SOX5: variants seen among roughly 807,000 people sequenced by gnomAD.
SOX5 encodes the protein SRY-box transcription factor 5.
SOX5 carries 9 observed loss-of-function variants against 92.0 expected under a neutral mutation model. That is an observed-to-expected ratio of 0.10 (90% CI 0.06 to 0.17). SOX5 has a LOEUF of 0.17. SOX5 is among the 10% of genes least tolerant of loss of function. The pLI is 1.00. For missense variants in SOX5, 642 were observed against 944.5 expected, an observed-to-expected ratio of 0.68 and a Z score of 4.20; for synonymous variants, 344 against 336.3, an observed-to-expected ratio of 1.02 and a Z score of -0.25.
At chr12:23,943,177 T>C (rs1329336606) in intron 1 of SOX5, among the ~76,000 whole-genome samples, 1 of 152,002 alleles carries the variant, frequency 6.6e-6, no homozygotes, top group Non-Finnish European at 1.5e-5. Flanking sequence ...AATGCTTTCA[T>C]TTCAGCAAAG....
chr12:24,010,195 A>C (rs1008593057), intron 4 of SOX5, among the ~76,000 whole-genome samples: 2 of 152,204 alleles, frequency 1.3e-5, no homozygotes, highest in Non-Finnish European at 2.9e-5. Context: ...CAACGTTTTC[A>C]GAGTCAAGAT....
chr12:23,643,189 TG>T (rs2080348072), intron 7 of SOX5, among the ~76,000 whole-genome samples: 1 of 151,806 alleles, frequency 6.6e-6, no homozygotes, highest in South Asian at 2.1e-4. Context: ...ATGGTATAAC[TG>T]GTAAAACCTA....
At chr12:23,725,478 C>A (rs1028765776) in intron 6 of SOX5, among the ~76,000 whole-genome samples, 2 of 152,134 alleles carry the variant, frequency 1.3e-5, no homozygotes, top group Non-Finnish European at 2.9e-5. Context: ...GATCCACCCC[C>A]ATGATTCAAT....
chr12:24,428,719 T>C (rs1306129278), intron 1 of SOX5, among the ~76,000 whole-genome samples: 2 of 51,056 alleles, frequency 3.9e-5, no homozygotes, highest in Admixed American at 2.9e-4. Flanking sequence ...AGTGAGACTC[T>C]GTTTCTCAAA....
chr12:23,733,228 A>AT (rs1465712610), intron 6 of SOX5, among the ~76,000 whole-genome samples: 1 of 152,216 alleles, frequency 6.6e-6, no homozygotes, highest in African/African-American at 2.4e-5. Context: ...AAATTGCAGT[A>AT]AAATCAAGTG....
chr12:23,563,075 ACT>A (rs946172331), intron 11 of SOX5, among the ~76,000 whole-genome samples, 181 bp downstream of exon 11: 1 of 152,046 alleles, frequency 6.6e-6, no homozygotes, highest in African/African-American at 2.4e-5. Context: ...GAGAATTATA[ACT>A]CTTTCTATTT....
chr12:24,352,536 G>A (rs1030150726), intron 2 of SOX5, among the ~76,000 whole-genome samples: 5 of 152,106 alleles, frequency 3.3e-5, no homozygotes, highest in African/African-American at 9.7e-5. Context: ...TGTAAAAATC[G>A]AAACTCTACT....
chr12:24,085,239 A>C (rs1244466145), intron 4 of SOX5, among the ~76,000 whole-genome samples: 6 of 152,260 alleles, frequency 3.9e-5, no homozygotes, highest in African/African-American at 1.4e-4. Context: ...CCCTGAATTC[A>C]TCCCCTCAAT....
intron 3 of SOX5, among the ~76,000 whole-genome samples, chr12:24,221,527 A>G (rs1241129932): frequency 6.6e-6 from 1 of 152,174 alleles, no homozygotes; most frequent in Non-Finnish European, 1.5e-5. Flanking sequence ...CAGCTTTTAA[A>G]TCTCCATTTC....
chr12:23,756,427 G>A (rs1256003075), intron 3 of SOX5, among the ~76,000 whole-genome samples: 1 of 151,720 alleles, frequency 6.6e-6, no homozygotes, highest in African/African-American at 2.4e-5. Context: ...CTTTAGTCTG[G>A]TATTTGTTTC....
chr12:23,803,539 G>T (rs1450440857), intron 3 of SOX5, among the ~76,000 whole-genome samples: 1 of 152,050 alleles, frequency 6.6e-6, no homozygotes, highest in Non-Finnish European at 1.5e-5. Context: ...CTAATGAATT[G>T]CCCTACCTTT....
At chr12:24,035,585 C>T (rs1252507431) in intron 4 of SOX5, among the ~76,000 whole-genome samples, 3 of 151,906 alleles carry the variant, frequency 2.0e-5, no homozygotes, top group Non-Finnish European at 4.4e-5. Context: ...GATATAACAT[C>T]CAGGAATAGT....
chr12:24,560,558 C>A (rs1023349276), intron 1 of SOX5, among the ~76,000 whole-genome samples: 2 of 152,182 alleles, frequency 1.3e-5, no homozygotes, highest in Non-Finnish European at 2.9e-5. Flanking sequence ...CAGGAAGAAG[C>A]ACCCCTAGAA....
At chr12:24,308,354 T>C (rs1948825321) in intron 2 of SOX5, among the ~76,000 whole-genome samples, 3 of 152,214 alleles carry the variant, frequency 2.0e-5, no homozygotes, top group Admixed American at 2.0e-4. Flanking sequence ...AAACATGCAC[T>C]TGACCTCTCA....
intron 1 of SOX5, among the ~76,000 whole-genome samples, chr12:23,944,659 T>C (rs1306487836): frequency 6.6e-6 from 1 of 152,148 alleles, no homozygotes; most frequent in Non-Finnish European, 1.5e-5. Context: ...TACATAGCAA[T>C]CAAATTTCAC....
intron 2 of SOX5, among the ~76,000 whole-genome samples, chr12:24,333,545 G>A (rs563674549): frequency 1.6e-4 from 25 of 151,932 alleles, no homozygotes; most frequent in African/African-American, 6.0e-4. Context: ...CATTTTACTA[G>A]ATGATAAAAT....
chr12:24,095,309 G>C (rs1945266838), intron 4 of SOX5, among the ~76,000 whole-genome samples: 1 of 151,976 alleles, frequency 6.6e-6, no homozygotes, highest in Non-Finnish European at 1.5e-5. Context: ...GTAATTGTCT[G>C]TTTTCTTCCT....
intron 4 of SOX5, among the ~76,000 whole-genome samples, chr12:23,961,588 A>G (rs766144241): frequency 1.7e-4 from 26 of 152,160 alleles, no homozygotes; most frequent in Non-Finnish European, 3.4e-4. Flanking sequence ...TTGTTGAGGT[A>G]TCACCCCCTA....
intron 1 of SOX5, among the ~76,000 whole-genome samples, chr12:24,453,258 T>A (rs1412453507): frequency 1.3e-5 from 2 of 151,612 alleles, no homozygotes; most frequent in Admixed American, 6.6e-5. Flanking sequence ...AATGCTAGAA[T>A]TTTTTTTCCT....
Sources: allele counts gnomAD v4.1 joint callset (sites outside exome capture counted in the v4.1 genomes callset), GRCh38; gene constraint gnomAD v4.1.1; transcripts MANE v1.5; gene names NCBI Gene and HGNC (gene_info 2026-07-23, HGNC 2026-07-21).